Variants in PLPPR1 observed in about 807,000 individuals in gnomAD.
PLPPR1 encodes phospholipid phosphatase-related protein type 1.
A neutral mutation model predicts 33.1 loss-of-function variants in PLPPR1; 10 were observed. The ratio of observed to expected loss-of-function variants is 0.30; its 90% confidence interval spans 0.19 to 0.51. The LOEUF is 0.51. Ranked by LOEUF, PLPPR1 falls within the 20% of genes least tolerant of loss-of-function variation. The pLI is 0.97. For missense variants in PLPPR1, 304 were observed against 408.1 expected (o/e 0.74, Z 2.20); for synonymous variants, 151 against 151.0 (o/e 1.00, Z 0.00).
chr9:101,054,224 T>C (rs1233767219), intron 1 of PLPPR1, among the ~76,000 whole-genome samples: 2 of 152,042 alleles, frequency 1.3e-5, no homozygotes, highest in Non-Finnish European at 1.5e-5. Flanking sequence ...AAAAAAATCC[T>C]TTTTATCATA....
At chr9:101,040,525 A>C (rs997296760) in intron 1 of PLPPR1, among the ~76,000 whole-genome samples, 1 of 152,122 alleles carries the variant, frequency 6.6e-6, no homozygotes, top group African/African-American at 2.4e-5. Flanking sequence ...TTGTTCATCA[A>C]ACATCCCAAA....
chr9:101,054,453 A>G (rs189514727), intron 1 of PLPPR1, among the ~76,000 whole-genome samples: 15 of 152,306 alleles, frequency 9.8e-5, no homozygotes, highest in Admixed American at 9.1e-4. Flanking sequence ...ACATTTCTGA[A>G]GCATATTGAT....
chr9:101,304,940 A>G (rs796195070), intron 4 of PLPPR1, among the ~76,000 whole-genome samples: 4 of 151,966 alleles, frequency 2.6e-5, no homozygotes, highest in African/African-American at 9.7e-5. Flanking sequence ...TGCCCCTGCC[A>G]CCTCCTGTTG....
intron 2 of PLPPR1, chr9:101,187,348 T>C (rs1393401880): frequency 6.6e-6 from 1 of 151,592 alleles, no homozygotes; most frequent in Non-Finnish European, 1.5e-5. Context: ...CTCTCTAATG[T>C]GTGAATGAAG....
Position 101,309,344 on chromosome 9 carries a change from C to T in PLPPR1, c.519C>T (p.His173=), listed in dbSNP as rs757140442. The change falls in exon 5 of 8, where the codon CAC becomes CAT. Residue 173 remains histidine, a synonymous_variant. Coordinates refer to ENST00000374874, the MANE Select transcript of PLPPR1 (RefSeq NM_207299.2). ...CCAGTGCAGACTGCCAAGCGCACCA[C>T]CAGTTTATAAACAATGGGAACATTT... ...NYTSADCQAH[H]QFINNGNICT... 4 of 1,613,966 alleles carry T rather than the reference C, an allele frequency of 2.5e-6. No individual in the cohort carries two copies. The highest frequency in any genetic ancestry group is 2.2e-5 in the East Asian group (1 of 44,870).
intron 3 of PLPPR1, among the ~76,000 whole-genome samples, chr9:101,270,768 A>T (rs1030171956): frequency 3.3e-5 from 5 of 152,194 alleles, no homozygotes; most frequent in Non-Finnish European, 7.3e-5. Context: ...TTTATTTTTT[A>T]AAATGATATT....
chr9:101,209,454 C>T (rs1406275135), intron 2 of PLPPR1, among the ~76,000 whole-genome samples: 2 of 152,222 alleles, frequency 1.3e-5, no homozygotes, highest in Non-Finnish European at 2.9e-5. Flanking sequence ...CTATCACTCC[C>T]TTTAGGGTCG....
At chr9:101,120,997 G>A (rs1564150388) in intron 1 of PLPPR1, among the ~76,000 whole-genome samples, 2 of 152,256 alleles carry the variant, frequency 1.3e-5, no homozygotes, top group East Asian at 3.9e-4. Context: ...TTCACAAGGA[G>A]GTGAACTATA....
At chr9:101,168,579 CTCTT>C (rs1051463930) in intron 1 of PLPPR1, among the ~76,000 whole-genome samples, 2 of 152,144 alleles carry the variant, frequency 1.3e-5, no homozygotes, top group Admixed American at 1.3e-4. Context: ...TGCATATACT[CTCTT>C]TCTAGGTTGT....
intron 2 of PLPPR1, among the ~76,000 whole-genome samples, chr9:101,207,515 C>T (rs942959824): frequency 4.6e-5 from 7 of 152,210 alleles, no homozygotes; most frequent in Admixed American, 3.3e-4. Context: ...GAAAGTCGTT[C>T]CAGGGGCCTG....
chr9:101,143,005 T>C (rs1480196517), intron 1 of PLPPR1, among the ~76,000 whole-genome samples: 1 of 152,156 alleles, frequency 6.6e-6, no homozygotes, highest in African/African-American at 2.4e-5. Flanking sequence ...TCAGTGATTT[T>C]TTTTTTTCTC....
intron 2 of PLPPR1, among the ~76,000 whole-genome samples, chr9:101,194,117 A>C (rs771091054): frequency 6.6e-6 from 1 of 152,190 alleles, no homozygotes; most frequent in Non-Finnish European, 1.5e-5. Context: ...ATAATCAGAA[A>C]ACTCCTTTGA....
intron 1 of PLPPR1, among the ~76,000 whole-genome samples, chr9:101,107,757 G>A (rs1381212841): frequency 7.7e-6 from 1 of 129,670 alleles, no homozygotes; most frequent in Non-Finnish European, 1.6e-5. Flanking sequence ...CCTCGTTGCC[G>A]CCTTGCAGTT....
At chr9:101,075,818 G>A (rs903801263) in intron 1 of PLPPR1, among the ~76,000 whole-genome samples, 2 of 152,096 alleles carry the variant, frequency 1.3e-5, no homozygotes, top group Non-Finnish European at 1.5e-5. Flanking sequence ...GGACAGTGGT[G>A]TAGATGGAGA....
intron 2 of PLPPR1, among the ~76,000 whole-genome samples, chr9:101,201,652 A>G (rs760093485): frequency 4.6e-5 from 7 of 152,212 alleles, no homozygotes; most frequent in Non-Finnish European, 1.0e-4. Flanking sequence ...CTGGCAGGCT[A>G]CATTCTCAGT....
At chr9:101,310,848 G>T (rs974262163) in intron 5 of PLPPR1, among the ~76,000 whole-genome samples, 7 of 152,250 alleles carry the variant, frequency 4.6e-5, no homozygotes, top group African/African-American at 1.7e-4. Flanking sequence ...AAGGACTTCA[G>T]CTGTCCCCAC....
At chr9:101,229,089 T>A (rs1242637115) in intron 2 of PLPPR1, among the ~76,000 whole-genome samples, 1 of 152,182 alleles carries the variant, frequency 6.6e-6, no homozygotes, top group Non-Finnish European at 1.5e-5. Context: ...TTGTTAGGTC[T>A]GCTTCTGGAA....
chr9:101,308,655 T>A (rs913668963), intron 4 of PLPPR1, among the ~76,000 whole-genome samples: 8 of 151,242 alleles, frequency 5.3e-5, no homozygotes, highest in Admixed American at 2.6e-4. Context: ...ATAATTTTTT[T>A]AAAAGACAAT....
chr9:101,134,484 G>A (rs1445592766), intron 1 of PLPPR1, among the ~76,000 whole-genome samples: 1 of 151,712 alleles, frequency 6.6e-6, no homozygotes, highest in East Asian at 1.9e-4. Context: ...CTGGGCTCAA[G>A]TGATCCTCCT....
Sources: allele counts gnomAD v4.1 joint callset (sites outside exome capture counted in the v4.1 genomes callset), GRCh38; gene constraint gnomAD v4.1.1; transcripts MANE v1.5; gene names NCBI Gene and HGNC (gene_info 2026-07-23, HGNC 2026-07-21).